CD163L1: variants seen among roughly 807,000 people sequenced by gnomAD.
The protein encoded by CD163L1 is CD163 molecule like 1.
A neutral mutation model predicts 165.4 loss-of-function variants in CD163L1; 124 were observed. The observed-to-expected ratio is 0.75, with a 90% CI of 0.65 to 0.87. The LOEUF is 0.87. CD163L1 is among the 40% of genes least tolerant of loss of function. CD163L1 has a pLI of 0.00. For missense variants in CD163L1, 1,525 were observed against 1,799.9 expected (o/e 0.85, Z 2.76); for synonymous variants, 585 against 662.2 (o/e 0.88, Z 1.79).
chr12:7,331,006 C>G, the CD163L1 span, among the ~76,000 whole-genome samples: 1 of 152,194 alleles, frequency 6.6e-6, no homozygotes, highest in Non-Finnish European at 1.5e-5. Flanking sequence ...ACCCAGGAAG[C>G]AAAAGGGGTC....
chr12:7,360,367 A>C (rs1289926556), intron 18 of CD163L1, among the ~76,000 whole-genome samples: 3 of 151,764 alleles, frequency 2.0e-5, no homozygotes, highest in African/African-American at 7.3e-5. Context: ...GGTCTCAAAC[A>C]CCTGACCTCA....
At chr12:7,437,668 T>A (rs2136646956) in intron 2 of CD163L1, among the ~76,000 whole-genome samples, 2 of 144,120 alleles carry the variant, frequency 1.4e-5, no homozygotes, top group Middle Eastern at 3.6e-3. Flanking sequence ...CATGAACTCA[T>A]CCTTTTTTTT....
Position 7,376,117 on chromosome 12 carries a change from A to T in CD163L1, c.2372-103T>A, listed in dbSNP as rs1024540736. On this transcript the variant is annotated intron_variant, in intron 9 of 19. Coordinates refer to ENST00000313599, the MANE Select transcript of CD163L1 (RefSeq NM_174941.6). ...CCAGAGCAATTTTTCTCCATTCATCATTAGAACATCCCATTCGTAGGGGCT... is the reference window on the plus strand; with the variant it reads ...CCAGAGCAATTTTTCTCCATTCATCTTTAGAACATCCCATTCGTAGGGGCT... 5 of 975,660 alleles carry T rather than the reference A, an allele frequency of 5.1e-6. No individual in the cohort carries two copies. The African/African-American group carries it at 8.2e-5, about 16-fold the overall frequency. The allele number at this position is 975,660 out of a possible 1,614,324, so 60.4% of individuals were successfully genotyped here. A position where few individuals can be genotyped will look rare whatever the true frequency, so the allele number is the denominator to read the frequency against.
chr12:7,374,730 C>T lies in CD163L1; in HGVS notation c.3121G>A (p.Gly1041Arg). The change falls in exon 13 of 20, where the codon GGG becomes AGG. Residue 1041 changes from glycine (G) to arginine (R), a missense_variant. Coordinates refer to ENST00000313599, the MANE Select transcript of CD163L1 (RefSeq NM_174941.6). This position sits in a 1 kb window ranked among gnomAD's most constrained non-coding sequence, Gnocchi z 5.4. The part of the protein sequence containing the change: ...LEDKRLRLVD[G>R]DSRCAGRVEI... ...ACTCTCCCGGCACAGCGGCTGTCCC[C>T]ATCCACTAGGCGGAGCCGTTTGTCC... 6.2e-7 allele frequency: 1 copy of T among 1,613,862 alleles called. No homozygotes were observed. The highest frequency in any genetic ancestry group is 2.2e-5 in the East Asian group (1 of 44,874).
chr12:7,417,908 T>C (rs1948278102), intron 4 of CD163L1, among the ~76,000 whole-genome samples: 1 of 151,492 alleles, frequency 6.6e-6, no homozygotes, highest in African/African-American at 2.4e-5. Context: ...TGTAAGATAA[T>C]TAACAAAATA....
chr12:7,413,160 C>T (rs1043704883), intron 4 of CD163L1, among the ~76,000 whole-genome samples: 2 of 148,620 alleles, frequency 1.3e-5, no homozygotes, highest in Non-Finnish European at 3.0e-5. Flanking sequence ...AAAATAGACA[C>T]ATTAAAGAGG....
At chr12:7,440,931 T>C (rs771984140) in intron 2 of CD163L1, among the ~76,000 whole-genome samples, 1 of 152,268 alleles carries the variant, frequency 6.6e-6, no homozygotes, top group Admixed American at 6.5e-5. Flanking sequence ...CCGGCCGGAT[T>C]TGGAAATTCT....
At chr12:7,418,804 T>C (rs1948293928) in intron 4 of CD163L1, among the ~76,000 whole-genome samples, 1 of 152,026 alleles carries the variant, frequency 6.6e-6, no homozygotes. Flanking sequence ...TCTGGAAATA[T>C]ACAATTCTTC....
rs142591856 is a variant in CD163L1, at chr12:7,379,171, A to G, written c.2178T>C (p.Val726=). The G allele has an allele frequency of 1.2e-6, 2 of 1,614,074 alleles. No homozygotes were observed. The highest frequency in any genetic ancestry group is 2.7e-5 in the African/African-American group (2 of 74,914). Residue 726 remains valine, a synonymous_variant, in exon 9 of 20, where the codon GTT becomes GTC. Transcript: ENST00000313599. Reference sequence around the variant, plus strand: ...ACCCACATTCAAGTTGCCTGCAAACAACTTCAGCAATGTTCATTCCCCAGC... The same window carrying G: ...ACCCACATTCAAGTTGCCTGCAAACGACTTCAGCAATGTTCATTCCCCAGC... ...ANGWGMNIAE[V]VCRQLECGSA... is the part of the protein sequence containing the mutation.
intron 7 of CD163L1, among the ~76,000 whole-genome samples, chr12:7,397,450 G>A (rs1947801849): frequency 6.6e-6 from 1 of 152,168 alleles, no homozygotes; most frequent in African/African-American, 2.4e-5. Flanking sequence ...TGCTGTCTAA[G>A]TGAGGGATTT....
chr12:7,362,197 A>T (rs1350280081), intron 18 of CD163L1, among the ~76,000 whole-genome samples: 2 of 140,190 alleles, frequency 1.4e-5, no homozygotes, highest in East Asian at 4.0e-4. Context: ...CATATATAAC[A>T]TATATAATAT....
chr12:7,327,533 G>A, the CD163L1 span, among the ~76,000 whole-genome samples: 5 of 152,066 alleles, frequency 3.3e-5, no homozygotes, highest in African/African-American at 1.2e-4. Flanking sequence ...AAGAAACTAT[G>A]GAATCTTTCC....
the CD163L1 span, among the ~76,000 whole-genome samples, chr12:7,332,077 G>C: frequency 6.6e-6 from 1 of 152,302 alleles, no homozygotes; most frequent in East Asian, 1.9e-4. Flanking sequence ...CCAATGCAGA[G>C]AAGTCCTTAA....
chr12:7,348,510 A>G (rs1946685985), intron 4 of CD163L1, among the ~76,000 whole-genome samples: 1 of 152,184 alleles, frequency 6.6e-6, no homozygotes, highest in African/African-American at 2.4e-5. Flanking sequence ...AGAACATAGC[A>G]TGCCATTTAG....
the CD163L1 span, chr12:7,328,341 G>A: frequency 1.3e-5 from 20 of 1,594,664 alleles, no homozygotes; most frequent in Middle Eastern, 1.7e-4. Flanking sequence ...CAAACGCAAC[G>A]TTTTAAGAGA....
At chr12:7,366,473 A>G (rs759085328) in intron 18 of CD163L1, among the ~76,000 whole-genome samples, 8 of 152,322 alleles carry the variant, frequency 5.3e-5, no homozygotes, top group Non-Finnish European at 1.2e-4. Context: ...TTTACAAATT[A>G]TATGAATGTA....
intron 2 of CD163L1, among the ~76,000 whole-genome samples, chr12:7,437,281 T>C (rs1948748642): frequency 7.0e-6 from 1 of 142,806 alleles, no homozygotes; most frequent in Non-Finnish European, 1.5e-5. Context: ...TTACTTTTTA[T>C]TTTAATAGTA....
At chr12:7,430,374 G>T (rs1054365598) in intron 4 of CD163L1, among the ~76,000 whole-genome samples, 1 of 152,132 alleles carries the variant, frequency 6.6e-6, no homozygotes, top group Non-Finnish European at 1.5e-5. Context: ...AGAAATTAAA[G>T]AACTTTGTAT....
At chr12:7,336,932 T>C in the CD163L1 span, among the ~76,000 whole-genome samples, 24,987 of 152,104 alleles carry the variant, frequency 0.16, 2,587 homozygotes, top group Admixed American at 0.28. Flanking sequence ...GCTACAAGGC[T>C]ACAGTAACCA....
Sources: allele counts gnomAD v4.1 joint callset (sites outside exome capture counted in the v4.1 genomes callset), GRCh38; gene constraint gnomAD v4.1.1; non-coding constraint Gnocchi (gnomAD v3.1); transcripts MANE v1.5; gene names NCBI Gene and HGNC (gene_info 2026-07-23, HGNC 2026-07-21).